Variants in DNAH6 observed in about 807,000 individuals in gnomAD.
DNAH6 encodes dynein axonemal heavy chain 6.
In DNAH6, 340 loss-of-function variants were observed where a neutral mutation model predicts 491.4. The ratio of observed to expected loss-of-function variants is 0.69; its 90% CI spans 0.63 to 0.76. DNAH6 has a LOEUF of 0.76. Among genes scored for constraint, DNAH6 ranks in the 30% least tolerant of loss-of-function variants. DNAH6 has a pLI of 0.00. For missense variants in DNAH6, 4,443 were observed against 4,972.2 expected (o/e 0.89, Z 3.20); for synonymous variants, 1,603 against 1,686.1 (o/e 0.95, Z 1.21).
intron 45 of DNAH6, among the ~76,000 whole-genome samples, chr2:84,693,394 G>A (rs1013770295): frequency 2.2e-4 from 34 of 151,876 alleles, no homozygotes; most frequent in African/African-American, 8.0e-4. Flanking sequence ...AAATTTGGGG[G>A]GGTTTCCCTC....
intron 14 of DNAH6, among the ~76,000 whole-genome samples, chr2:84,581,993 A>G (rs981250654): frequency 6.6e-6 from 1 of 152,236 alleles, no homozygotes; most frequent in Non-Finnish European, 1.5e-5. Context: ...TACTAGGACA[A>G]TAAGTGTAAA....
At chr2:84,553,508 G>A (rs1679709875) in intron 10 of DNAH6, among the ~76,000 whole-genome samples, 1 of 149,032 alleles carries the variant, frequency 6.7e-6, no homozygotes, top group Non-Finnish European at 1.5e-5. Context: ...TGTCACCCGG[G>A]CTGGAATGCA....
intron 1 of DNAH6, among the ~76,000 whole-genome samples, chr2:84,517,225 A>G (rs1675684773): frequency 6.6e-6 from 1 of 152,238 alleles, no homozygotes; most frequent in South Asian, 2.1e-4. Flanking sequence ...CAAGACCATT[A>G]CAAAAGGCTC....
chr2:84,611,032 T>C (rs1013560893), intron 21 of DNAH6, among the ~76,000 whole-genome samples: 16 of 152,188 alleles, frequency 1.1e-4, no homozygotes, highest in African/African-American at 3.9e-4. Context: ...TGAGGAACTC[T>C]TTCATGGATT....
intron 18 of DNAH6, among the ~76,000 whole-genome samples, chr2:84,597,108 A>G (rs767868396): frequency 2.6e-5 from 4 of 152,180 alleles, no homozygotes; most frequent in Non-Finnish European, 4.4e-5. Flanking sequence ...ACAATTCCAC[A>G]CAACCACTGA....
chr2:84,734,058 G>A (rs977589328), intron 62 of DNAH6, among the ~76,000 whole-genome samples: 4 of 151,626 alleles, frequency 2.6e-5, no homozygotes, highest in African/African-American at 9.7e-5. Flanking sequence ...CTCTTCCTCA[G>A]AGGTAACGAC....
At chr2:84,812,948 G>T (rs368160078) in intron 73 of DNAH6, 110 bp from the exon 74 acceptor site, 2 of 867,696 alleles carry the variant, frequency 2.3e-6, no homozygotes, top group African/African-American at 1.7e-5. Context: ...ACTAACTCAG[G>T]GCTGCTTTAG....
chr2:84,799,247 C>G (rs1678653267), intron 70 of DNAH6, among the ~76,000 whole-genome samples: 1 of 152,230 alleles, frequency 6.6e-6, no homozygotes, highest in Non-Finnish European at 1.5e-5. Context: ...CTCGGCCTCC[C>G]AAAGTGCTGG....
chr2:84,778,160 A>G (rs2105209150), intron 64 of DNAH6: 5 of 744,964 alleles, frequency 6.7e-6, no homozygotes, highest in Non-Finnish European at 1.3e-5. Context: ...CTATAATCTT[A>G]TCCTGGGGAG....
chr2:84,704,038 C>A, intron 50 of DNAH6, 29 bp from the exon 51 acceptor site: 1 of 1,497,130 alleles, frequency 6.7e-7, no homozygotes, highest in Non-Finnish European at 9.1e-7. Flanking sequence ...ATAATGAGGC[C>A]ACTTAAGCAG....
chr2:84,521,381 A>C (rs1409006876), intron 2 of DNAH6, among the ~76,000 whole-genome samples: 1 of 151,808 alleles, frequency 6.6e-6, no homozygotes, highest in African/African-American at 2.4e-5. Flanking sequence ...TAGACCTTCA[A>C]AGATGCATAG....
chr2:84,465,129 T>C, the DNAH6 span, among the ~76,000 whole-genome samples: 14 of 152,168 alleles, frequency 9.2e-5, no homozygotes, highest in African/African-American at 3.4e-4. Context: ...GGCCTCGTTA[T>C]GGTAAGGTCC....
chr2:84,655,615 G>C (rs1690887433), intron 35 of DNAH6, among the ~76,000 whole-genome samples: 2 of 152,122 alleles, frequency 1.3e-5, no homozygotes, highest in South Asian at 4.1e-4. Flanking sequence ...TCTCAGAATT[G>C]AGAGTTTGTC....
Position 84,553,052 on chromosome 2 carries a change from A to G in DNAH6, c.1602+18A>G, listed in dbSNP as rs756006040. ...ACTTTCTGGTGTGTGTTTTTCATGT[A>G]TTATCCACATGCAAGCACCTATTTG... On this transcript the variant is annotated intron_variant, in intron 10 of 76. Coordinates refer to ENST00000389394, the MANE Select transcript of DNAH6 (RefSeq NM_001370.2). The G allele has an allele frequency of 1.5e-5, 22 of 1,422,970 alleles. No individual in the cohort carries two copies. In the East Asian group the frequency reaches 4.5e-4, roughly 29 times the overall value. The allele number at this position is 1,422,970 out of a possible 1,614,324, so 88.1% of individuals were successfully genotyped here. A position where few individuals can be genotyped will look rare whatever the true frequency, so the allele number is the denominator to read the frequency against.
chr2:84,706,462 A>G (rs1168330821), intron 52 of DNAH6, among the ~76,000 whole-genome samples: 1 of 152,214 alleles, frequency 6.6e-6, no homozygotes, highest in Non-Finnish European at 1.5e-5. Flanking sequence ...TGTAAAAACC[A>G]TTCTTAGCTT....
the DNAH6 span, among the ~76,000 whole-genome samples, chr2:84,472,308 T>C: frequency 6.6e-6 from 1 of 151,850 alleles, no homozygotes; most frequent in Non-Finnish European, 1.5e-5. Context: ...CAATATTCCG[T>C]TGTTGAAAGA....
intron 42 of DNAH6, among the ~76,000 whole-genome samples, chr2:84,684,978 A>G (rs535671039): frequency 6.6e-6 from 1 of 152,304 alleles, no homozygotes; most frequent in East Asian, 1.9e-4. Context: ...AAGTAAATAT[A>G]TATACTTTAG....
chr2:84,538,792 C>A (rs965184490), intron 4 of DNAH6, among the ~76,000 whole-genome samples: 12 of 151,986 alleles, frequency 7.9e-5, no homozygotes, highest in African/African-American at 2.4e-4. Context: ...TAATTTTGGT[C>A]TCTGGTTGTT....
In DNAH6 at chr2:84,685,416, G is replaced by A. The variant is rs1238473066; in HGVS notation, c.7007G>A (p.Arg2336His). The change falls in exon 43 of 77, where the codon CGC becomes CAC. Residue 2336 changes from arginine to histidine, a missense_variant. Physicochemically the swap from Arg to His is conservative, Grantham distance 29. Coordinates refer to ENST00000389394, the MANE Select transcript of DNAH6 (RefSeq NM_001370.2). Reference sequence around the variant, plus strand: ...GAGTGCCAAAGGGTCTTCCATGATCGCTTGATTAATAATGAAGATAAGCAC... The same window carrying A: ...GAGTGCCAAAGGGTCTTCCATGATCACTTGATTAATAATGAAGATAAGCAC... ...CHECQRVFHD[R>H]LINNEDKHYF... is the part of the protein sequence containing the mutation. 1.8e-5 allele frequency: 28 copies of A among 1,521,964 alleles called. No homozygotes were observed. The highest frequency in any genetic ancestry group is 2.5e-5 in the East Asian group (1 of 40,666). 94.3% of individuals were successfully genotyped at this position (1,521,964 alleles called of 1,614,324 possible). A position where few individuals can be genotyped will look rare whatever the true frequency, so the allele number is the denominator to read the frequency against.
Sources: gnomAD v4.1 joint callset for allele counts (sites outside exome capture counted in the v4.1 genomes callset) on GRCh38, gnomAD v4.1.1 for gene constraint, MANE v1.5 for transcripts, NCBI Gene and HGNC (gene_info 2026-07-23, HGNC 2026-07-21) for gene names.